Variants in ACADVL observed in about 807,000 individuals in gnomAD.
The protein encoded by ACADVL is very long-chain acyl-CoA dehydrogenase, mitochondrial.
In ACADVL, 73 loss-of-function variants were observed where a neutral mutation model predicts 80.4. That is an observed-to-expected ratio of 0.91 (90% CI 0.75 to 1.10). The LOEUF is 1.10. ACADVL is among the 50% of genes least tolerant of loss of function. The pLI is 0.00. For missense variants in ACADVL, 878 were observed against 858.9 expected, an observed-to-expected ratio of 1.02 and a Z score of -0.28; for synonymous variants, 392 against 326.5, an observed-to-expected ratio of 1.20 and a Z score of -2.16.
At chr17:7,219,064 C>T (rs2071067353), upstream of ACADVL, 2 of 606,538 alleles carry the variant, frequency 3.3e-6, no homozygotes, top group Non-Finnish European at 5.8e-6. Context: ...CCACGCTCTC[C>T]TGAGAAGCCA....
Position 7,221,020 on chromosome 17 carries a change from C to T in ACADVL, c.439C>T (p.Pro147Ser), listed in dbSNP as rs1032857886. ...KELGAFGLQV[P>S]SELGGVGLCN... is the part of the protein sequence containing the mutation. The stretch of plus-strand genomic sequence containing the variant: ...GCTGGGGGCCTTTGGTCTGCAAGTG[C>T]CCAGTGAGCTGGGTGGTGTGGGCCT... Residue 147 changes from proline to serine, a missense_variant, in exon 6 of 20, where the codon CCC (proline) becomes TCC (serine). Physicochemically the swap from Pro to Ser is moderately conservative, Grantham distance 74. Transcript: ENST00000356839. 1.2e-6 allele frequency: 2 copies of T among 1,613,870 alleles called. No homozygotes were observed. Among genetic ancestry groups the T allele is most frequent in the African/African-American group, 2.7e-5 (2 of 74,956 alleles).
chr17:7,218,587 G>A (rs1268311680), upstream of ACADVL: 2 of 1,566,940 alleles, frequency 1.3e-6, no homozygotes, highest in Non-Finnish European at 1.7e-6. Context: ...TGAGGAGTGG[G>A]GGTGCCCACC....
In ACADVL at chr17:7,222,842, A is replaced by G. The variant is rs2071296420; in HGVS notation, c.1054A>G (p.Met352Val). 9.3e-6 allele frequency: 15 copies of G among 1,612,710 alleles called. No homozygotes were observed. Among genetic ancestry groups the G allele is most frequent in the Non-Finnish European group, 1.2e-5 (14 of 1,180,006 alleles). Residue 352 changes from methionine to valine, a missense_variant, in exon 10 of 20, where the codon ATG becomes GTG. Coordinates refer to ENST00000356839, the MANE Select transcript of ACADVL (RefSeq NM_000018.4). Reference sequence around the variant, plus strand: ...CATGGCTGCGGCCCTGGCAGGTACCATGAGAGGCATCATTGCTAAGGCGGT... The same window carrying G: ...CATGGCTGCGGCCCTGGCAGGTACCGTGAGAGGCATCATTGCTAAGGCGGT... ...FGMAAALAGT[M>V]RGIIAKAVDH...
upstream of ACADVL, chr17:7,217,805 G>A (rs2071002466): frequency 2.0e-6 from 3 of 1,535,198 alleles, 1 homozygote; most frequent in East Asian, 7.3e-5. Context: ...AGCGATGACA[G>A]CAAAGACGAT....
chr17:7,224,051 G>A lies in ACADVL; in HGVS notation c.1416G>A (p.Val472=), dbSNP rs778848546. 6.2e-7 allele frequency: 1 copy of A among 1,614,154 alleles called. No homozygotes were observed. The highest frequency in any genetic ancestry group is 8.5e-7 in the Non-Finnish European group (1 of 1,180,034). The part of the protein sequence containing the change: ...EGTNDILRLF[V]ALQGCMDKGK... ...CAAATGACATTCTTCGGCTGTTTGT[G>A]GCTCTGCAGGGCTGTATGGTAAGAC... The change falls in exon 14 of 20, where the codon GTG becomes GTA. Residue 472 remains valine (V), a synonymous_variant. Transcript: ENST00000356839.
At chr17:7,217,919 G>A (rs1215877320), upstream of ACADVL, 14 of 1,178,516 alleles carry the variant, frequency 1.2e-5, no homozygotes, top group South Asian at 1.8e-4. Context: ...GGCGGTAGGG[G>A]GTCGGGTGTG....
rs79125791 is a variant in ACADVL, at chr17:7,224,968, G to A, written c.1839G>A (p.Arg613=). The change falls in exon 20 of 20, where the codon CGG becomes CGA. Residue 613 remains arginine, a synonymous_variant. Coordinates refer to ENST00000356839, the MANE Select transcript of ACADVL (RefSeq NM_000018.4). Reference sequence around the variant, plus strand: ...TTCCCTCTCCCCAGGCTGCAGCTCGGATCCGAGAGGGCATGGCCGCCCTGC... The same window carrying A: ...TTCCCTCTCCCCAGGCTGCAGCTCGAATCCGAGAGGGCATGGCCGCCCTGC... ...CDTWCIEAAA[R]IREGMAALQS... The A allele has an allele frequency of 4.5e-4, 728 of 1,614,102 alleles. 2 individuals are homozygous for A. The African/African-American group carries it at 8.2e-3, about 18-fold the overall frequency.
chr17:7,217,147 T>A, upstream of ACADVL: 1 of 1,283,984 alleles, frequency 7.8e-7, no homozygotes, highest in Non-Finnish European at 9.9e-7. Flanking sequence ...AGACAGTCCA[T>A]GTTGGGGGGC....
At position 7,222,242 on chromosome 17, in the gene ACADVL, G is replaced by C. The variant is rs150149784; in HGVS notation, c.818G>C (p.Gly273Ala). 2.3e-4 allele frequency: 371 copies of C among 1,614,116 alleles called. 1 individual carries two copies. The African/African-American group carries it at 3.9e-3, about 17-fold the overall frequency. ...ACACCAGTTACAGATCCAGCCACAG[G>C]AGCCGTGAAGGAGAAGATCACAGCT... is the stretch of plus-strand genomic sequence containing the variant. Reference protein sequence around the residue: ...AKTPVTDPATGAVKEKITAFV... With the variant: ...AKTPVTDPATAAVKEKITAFV... The change falls in exon 9 of 20, where the codon GGA (glycine) becomes GCA (alanine). Residue 273 changes from glycine to alanine, a missense_variant. Coordinates refer to ENST00000356839, the MANE Select transcript of ACADVL (RefSeq NM_000018.4).
At chr17:7,218,310 C>T, upstream of ACADVL, 3 of 1,599,650 alleles carry the variant, frequency 1.9e-6, no homozygotes, top group South Asian at 1.1e-5. Context: ...TGAGTTACCT[C>T]CCCACCCCAG....
rs2071338597 is a variant in ACADVL at position 7,223,683 on chromosome 17, G to A, written c.1222G>A (p.Ala408Thr). 1 of 1,614,140 alleles carries A rather than the reference G, an allele frequency of 6.2e-7. No individual in the cohort carries two copies. Among genetic ancestry groups the A allele is most frequent in the South Asian group, 1.1e-5 (1 of 91,072 alleles). The change falls in exon 12 of 20, where the codon GCC becomes ACC. Residue 408 changes from alanine (A) to threonine (T), a missense_variant. By Grantham distance (58) the Ala-to-Thr change is moderately conservative. Transcript: ENST00000356839. ...GGTGAGTGCTAACATGGACCAGGGA[G>A]CCACGGACTTCCAGATAGAGGCCGC... is the stretch of plus-strand genomic sequence containing the variant. ...YMVSANMDQG[A>T]TDFQIEAAIS...
In ACADVL at chr17:7,225,230, T is replaced by A; in HGVS notation, c.*133T>A. The A allele has an allele frequency of 3.3e-6, 4 of 1,215,566 alleles. No individual in the cohort carries two copies. Among genetic ancestry groups the A allele is most frequent in the Non-Finnish European group, 4.7e-6 (4 of 850,026 alleles). The allele number at this position is 1,215,566 out of a possible 1,614,324, so 75.3% of individuals were successfully genotyped here. A position where few individuals can be genotyped will look rare whatever the true frequency, so the allele number is the denominator to read the frequency against. ...CACTGTGCCTGCTCTCAAGAGCACT[T>A]ACTGCCTCGCAAATAATAAAAATTT... On this transcript the variant is annotated 3_prime_UTR_variant, in exon 20 of 20. Transcript: ENST00000356839.
At chr17:7,217,398 G>A (rs2070972587), upstream of ACADVL, 1 of 284,038 alleles carries the variant, frequency 3.5e-6, no homozygotes, top group South Asian at 3.9e-5. Flanking sequence ...AGCACACCCC[G>A]ATTCTCAGGA....
chr17:7,217,583 G>C, upstream of ACADVL: 1 of 1,379,226 alleles, frequency 7.3e-7, no homozygotes, highest in African/African-American at 1.5e-5. Context: ...AAACGGCAGC[G>C]GCCGAGGGAG....
At chr17:7,218,464 T>G, upstream of ACADVL, 3 of 1,462,246 alleles carry the variant, frequency 2.1e-6, no homozygotes, top group Non-Finnish European at 2.8e-6. Context: ...CCAAATGATC[T>G]CTGGGCTCCC....
rs771685940 is a variant in ACADVL at position 7,224,559 on chromosome 17, G to A, written c.1678+7G>A. On this transcript the variant is annotated splice_region_variant and intron_variant, in intron 17 of 19. Transcript: ENST00000356839. ...CACAAGAAGGGGATTGTCAGTAAGT[G>A]AGCTCTACACCATTCCGCCCCTCCC... 3.7e-6 allele frequency: 6 copies of A among 1,610,904 alleles called. No individual in the cohort carries two copies. The highest frequency in any genetic ancestry group is 5.1e-6 in the Non-Finnish European group (6 of 1,179,974).
At chr17:7,219,364 C>T (rs1332995536), upstream of ACADVL, 2 of 1,005,064 alleles carry the variant, frequency 2.0e-6, no homozygotes, top group African/African-American at 3.5e-5. Flanking sequence ...GTCTCAGAGG[C>T]TTTACTAAGG....
chr17:7,219,748 G>A, upstream of ACADVL: 1 of 1,453,422 alleles, frequency 6.9e-7, no homozygotes, highest in South Asian at 1.4e-5. Flanking sequence ...TAGGTCGGAC[G>A]GGCGGGATTA....
At chr17:7,218,712 TC>T (rs1233223802), upstream of ACADVL, 1 of 1,547,528 alleles carries the variant, frequency 6.5e-7, no homozygotes, top group Non-Finnish European at 8.8e-7. Flanking sequence ...TCACTTCATC[TC>T]CCCAGACTGT....
Sources: allele counts gnomAD v4.1 joint callset, GRCh38; gene constraint gnomAD v4.1.1; transcripts MANE v1.5; gene names NCBI Gene and HGNC (gene_info 2026-07-23, HGNC 2026-07-21).